The following TCERG1 variants were observed in gnomAD, a reference collection of about 807,000 sequenced individuals.
TCERG1 encodes the protein TATA box binding protein (TBP)-associated factor, RNA polymerase II, S, 150kD.
In TCERG1, 37 loss-of-function variants were observed where a neutral mutation model predicts 144.7. The ratio of observed to expected loss-of-function variants is 0.26; its 90% CI spans 0.20 to 0.34. TCERG1 has a LOEUF of 0.34. TCERG1 is among the 10% of genes least tolerant of loss of function. TCERG1 has a pLI of 1.00. For synonymous variants in TCERG1, 492 were observed against 458.2 expected (o/e 1.07, Z -0.94); for missense variants, 1,027 against 1,380.7 (o/e 0.74, Z 4.06).
intron 17 of TCERG1, among the ~76,000 whole-genome samples, chr5:146,500,716 G>A (rs889305008): frequency 6.6e-6 from 1 of 152,138 alleles, no homozygotes; most frequent in African/African-American, 2.4e-5. Context: ...TTATTAAAAA[G>A]TGCCTGTAAA....
Position 146,511,626 on chromosome 5 carries a change from T to A in TCERG1, c.*984T>A, listed in dbSNP as rs947168023. ...TTGACTCTAAATCTTAAGTATTACC[T>A]AGTTTTTAAAGGTTTGAATATAATA... On this transcript the variant is annotated 3_prime_UTR_variant, in exon 23 of 23. Coordinates refer to ENST00000679501, the MANE Select transcript of TCERG1 (RefSeq NM_001382548.1). 6.5e-5 allele frequency: 10 copies of A among 152,758 alleles called. No individual in the cohort carries two copies. The highest frequency in any genetic ancestry group is 2.4e-4 in the African/African-American group (10 of 41,574). The allele number at this position is 152,758 out of a possible 1,614,324, so 9.5% of individuals were successfully genotyped here.
intron 6 of TCERG1, 124 bp downstream of exon 6, chr5:146,468,527 T>C (rs1763991781): frequency 1.2e-6 from 1 of 846,502 alleles, no homozygotes; most frequent in East Asian, 2.8e-5. Flanking sequence ...TTCTTTTTAA[T>C]GAGCAGTATA....
intron 1 of TCERG1, among the ~76,000 whole-genome samples, chr5:146,449,711 G>C (rs78879862): frequency 6.6e-6 from 1 of 152,152 alleles, no homozygotes; most frequent in East Asian, 1.9e-4. Context: ...CATGCAAGTA[G>C]GCTTTTGTTT....
At chr5:146,463,910 T>C in intron 5 of TCERG1, 117 bp downstream of exon 5, 1 of 1,406,402 alleles carries the variant, frequency 7.1e-7, no homozygotes, top group Non-Finnish European at 9.7e-7. Flanking sequence ...TTGAAACGTT[T>C]TTGAAAGATT....
chr5:146,465,890 T>C lies in TCERG1; in HGVS notation c.1135+2097T>C, dbSNP rs1239834566. 2.0e-5 allele frequency among the ~76,000 whole-genome samples: 3 copies of C among 151,698 alleles called. No individual in the cohort carries two copies. The South Asian group carries it at 6.3e-4, about 32-fold the overall frequency. Reference sequence around the variant, plus strand: ...CTAAAAATACAAAATTAGCCGGGCGTGGTGGTGCATGCCCAGCTACTCGGG... The same window carrying C: ...CTAAAAATACAAAATTAGCCGGGCGCGGTGGTGCATGCCCAGCTACTCGGG... On this transcript the variant is annotated intron_variant, in intron 5 of 22. Transcript: ENST00000679501.
chr5:146,482,939 ATAACACT>A (rs932611288), intron 14 of TCERG1, among the ~76,000 whole-genome samples: 4 of 152,192 alleles, frequency 2.6e-5, no homozygotes, highest in Non-Finnish European at 5.9e-5. Context: ...TTAAGTACAA[ATAACACT>A]TAACATTTAT....
At chr5:146,472,590 C>G (rs889277161) in intron 9 of TCERG1, among the ~76,000 whole-genome samples, 2 of 152,082 alleles carry the variant, frequency 1.3e-5, no homozygotes, top group African/African-American at 4.8e-5. Flanking sequence ...TCTTCCTCTC[C>G]TCGGGTGTCC....
At chr5:146,509,309 C>A in intron 22 of TCERG1, 64 bp downstream of exon 22, 1 of 1,110,918 alleles carries the variant, frequency 9.0e-7, no homozygotes, top group Non-Finnish European at 1.3e-6. Flanking sequence ...CTCTAATGGT[C>A]AGAGCATTCT....
At chr5:146,450,985 T>C (rs1762294061) in intron 1 of TCERG1, among the ~76,000 whole-genome samples, 1 of 152,222 alleles carries the variant, frequency 6.6e-6, no homozygotes, top group South Asian at 2.1e-4. Context: ...TCAGAAATTA[T>C]GTAACTAGCC....
intron 13 of TCERG1, 116 bp downstream of exon 13, chr5:146,481,316 T>A: frequency 2.8e-6 from 1 of 363,390 alleles, no homozygotes; most frequent in Middle Eastern, 1.4e-3. Flanking sequence ...CTATAAAGGT[T>A]ATTTGTTTTT....
chr5:146,447,524 G>A lies in TCERG1; in HGVS notation c.59+116G>A. The A allele has an allele frequency of 2.2e-6, 3 of 1,337,506 alleles. No homozygotes were observed. The South Asian group carries it at 3.9e-5, about 17-fold the overall frequency. The allele number at this position is 1,337,506 out of a possible 1,614,324, so 82.9% of individuals were successfully genotyped here. A position where few individuals can be genotyped will look rare whatever the true frequency, so the allele number is the denominator to read the frequency against. On this transcript the variant is annotated intron_variant, in intron 1 of 22. Coordinates refer to ENST00000679501, the MANE Select transcript of TCERG1 (RefSeq NM_001382548.1). The stretch of plus-strand genomic sequence containing the variant: ...GTGGGTAGCGGAGCCGGGCGGCCCG[G>A]GCCGGGACCGCATGGGGTTTAAGAA...
Position 146,447,355 on chromosome 5 carries a change from G to A in TCERG1, c.6G>A (p.Ala2=), listed in dbSNP as rs1346133435. 6.2e-7 allele frequency: 1 copy of A among 1,611,836 alleles called. No homozygotes were observed. Among genetic ancestry groups the A allele is most frequent in the Non-Finnish European group, 8.5e-7 (1 of 1,179,124 alleles). M[A]ERGGDGGESE... The stretch of plus-strand genomic sequence containing the variant: ...GATGAACGCGGCCCTCTGTAATGGC[G>A]GAGCGTGGCGGGGACGGGGGCGAGA... The change falls in exon 1 of 23, where the codon GCG becomes GCA. Residue 2 remains alanine, a synonymous_variant. Coordinates refer to ENST00000679501, the MANE Select transcript of TCERG1 (RefSeq NM_001382548.1).
chr5:146,457,220 C>G lies in TCERG1; in HGVS notation c.323C>G (p.Pro108Arg). ...PFMPPPMSSM[P>R]PPPGMMFPPG... ...ATGCCTCCTCCCATGAGTTCCATGC[C>G]TCCTCCTCCGGGTATGATGTTTCCA... is the stretch of plus-strand genomic sequence containing the variant. The change falls in exon 3 of 23, where the codon CCT becomes CGT. Residue 108 changes from proline to arginine, a missense_variant. Physicochemically the swap from Pro to Arg is moderately radical, Grantham distance 103. Transcript: ENST00000679501. 1 of 1,614,096 alleles carries G rather than the reference C, an allele frequency of 6.2e-7. No homozygotes were observed. Among genetic ancestry groups the G allele is most frequent in the Non-Finnish European group, 8.5e-7 (1 of 1,179,940 alleles).
intron 15 of TCERG1, among the ~76,000 whole-genome samples, chr5:146,492,246 A>AT (rs1229193385): frequency 1.3e-5 from 2 of 152,158 alleles, no homozygotes; most frequent in Non-Finnish European, 2.9e-5. Flanking sequence ...AGAAAAAAAA[A>AT]CTTGAGTTGC....
At chr5:146,465,383 T>TA (rs1189343991) in intron 5 of TCERG1, among the ~76,000 whole-genome samples, 4 of 152,338 alleles carry the variant, frequency 2.6e-5, no homozygotes, top group African/African-American at 9.6e-5. Flanking sequence ...TAGAGGTTCT[T>TA]ATTAGGACTA....
Position 146,458,988 on chromosome 5 carries a change from A to G in TCERG1, c.543A>G (p.Ala181=), listed in dbSNP as rs764402744. The change falls in exon 4 of 23, where the codon GCA becomes GCG. Residue 181 remains alanine, a synonymous_variant. Transcript: ENST00000679501. The part of the protein sequence containing the change: ...SELTPMLAAQ[A]QVQAQAQAQA... ...TGACACCTATGCTTGCAGCCCAGGC[A>G]CAGGTTCAGGCTCAGGCCCAGGCGC... 3.1e-6 allele frequency: 5 copies of G among 1,613,648 alleles called. No homozygotes were observed. The East Asian group carries it at 6.7e-5, about 22-fold the overall frequency.
At chr5:146,486,987 G>A (rs1765898530) in intron 15 of TCERG1, among the ~76,000 whole-genome samples, 1 of 152,114 alleles carries the variant, frequency 6.6e-6, no homozygotes, top group Non-Finnish European at 1.5e-5. Flanking sequence ...CTAGTTAGGT[G>A]GCTGAGGCAC....
intron 15 of TCERG1, among the ~76,000 whole-genome samples, chr5:146,486,468 C>CA (rs1211454444): frequency 2.0e-5 from 3 of 152,200 alleles, no homozygotes; most frequent in Non-Finnish European, 4.4e-5. Context: ...AGACCATTTG[C>CA]ATAAAGGATG....
Position 146,507,172 on chromosome 5 carries a change from G to C in TCERG1, c.2926G>C (p.Glu976Gln). The change falls in exon 20 of 23, where the codon GAG (glutamate) becomes CAG (glutamine). Residue 976 changes from glutamate (E) to glutamine (Q), a missense_variant. Transcript: ENST00000679501. This position sits in a 1 kb window ranked among gnomAD's most constrained non-coding sequence, Gnocchi z 4.6. ...TGAAGCACTTACCAAAAAAAAGAGAGAGCACTTTAGGCAACTTCTGGATGA... is the reference window on the plus strand; with the variant it reads ...TGAAGCACTTACCAAAAAAAAGAGACAGCACTTTAGGCAACTTCTGGATGA... ...HIEALTKKKR[E>Q]HFRQLLDETS... 6.2e-7 allele frequency: 1 copy of C among 1,606,546 alleles called. No individual in the cohort carries two copies. Among genetic ancestry groups the C allele is most frequent in the African/African-American group, 1.3e-5 (1 of 74,468 alleles).
Sources: allele counts gnomAD v4.1 joint callset (sites outside exome capture counted in the v4.1 genomes callset), GRCh38; gene constraint gnomAD v4.1.1; non-coding constraint Gnocchi (gnomAD v3.1); transcripts MANE v1.5; gene names NCBI Gene and HGNC (gene_info 2026-07-23, HGNC 2026-07-21).